The following CFTR variants were observed in gnomAD, a reference collection of about 807,000 sequenced individuals.
CFTR encodes cystic fibrosis transmembrane conductance regulator.
Under a neutral mutation model 171.6 loss-of-function variants are expected in CFTR, and 181 were observed. The ratio of observed to expected loss-of-function variants is 1.05; its 90% confidence interval spans 0.93 to 1.19. The LOEUF is 1.19. CFTR is among the 50% of genes most tolerant of loss of function. CFTR has a pLI of 0.00. For synonymous variants in CFTR, 583 were observed against 608.0 expected (o/e 0.96, Z 0.60); for missense variants, 1,968 against 1,734.7 (o/e 1.13, Z -2.39).
At position 117,592,479 on chromosome 7, in the gene CFTR, A is replaced by G; in HGVS notation, c.2312A>G (p.Asn771Ser). 1.3e-6 allele frequency: 2 copies of G among 1,554,756 alleles called. No individual in the cohort carries two copies. The highest frequency in any genetic ancestry group is 1.7e-6 in the Non-Finnish European group (2 of 1,152,984). The change falls in exon 14 of 27, where the codon AAC (asparagine) becomes AGC (serine). Residue 771 changes from asparagine to serine, a missense_variant. Coordinates refer to ENST00000003084, the MANE Select transcript of CFTR (RefSeq NM_000492.4). Reference protein sequence around the residue: ...LQARRRQSVLNLMTHSVNQGQ... With the variant: ...LQARRRQSVLSLMTHSVNQGQ... Reference sequence around the variant, plus strand: ...GCACGAAGGAGGCAGTCTGTCCTGAACCTGATGACACACTCAGTTAACCAA... The same window carrying G: ...GCACGAAGGAGGCAGTCTGTCCTGAGCCTGATGACACACTCAGTTAACCAA...
intron 11 of CFTR, among the ~76,000 whole-genome samples, chr7:117,574,220 G>A (rs530611728): frequency 3.9e-4 from 59 of 152,062 alleles, no homozygotes; most frequent in Admixed American, 3.1e-3. Flanking sequence ...AATAGAGAAA[G>A]CCAAACACTA....
chr7:117,628,492 T>C (rs1792690188), intron 22 of CFTR, among the ~76,000 whole-genome samples: 1 of 152,142 alleles, frequency 6.6e-6, no homozygotes, highest in South Asian at 2.1e-4. Flanking sequence ...TATATTTTGA[T>C]TGATATTTTT....
chr7:117,555,985 A>G (rs1420810919), intron 10 of CFTR, among the ~76,000 whole-genome samples: 1 of 152,152 alleles, frequency 6.6e-6, no homozygotes, highest in Non-Finnish European at 1.5e-5. Flanking sequence ...GGTCAATGGT[A>G]TATTATTTAA....
intron 11 of CFTR, among the ~76,000 whole-genome samples, chr7:117,580,130 A>C (rs765783577): frequency 1.4e-4 from 22 of 152,054 alleles, no homozygotes; most frequent in Non-Finnish European, 2.8e-4. Flanking sequence ...CACATGATAG[A>C]TGGTCTATGG....
chr7:117,556,471 G>A (rs115880565), intron 10 of CFTR, among the ~76,000 whole-genome samples: 3 of 150,338 alleles, frequency 2.0e-5, no homozygotes, highest in South Asian at 4.2e-4. Flanking sequence ...TTTTCCAAGC[G>A]GTCCCTTATG....
intron 11 of CFTR, among the ~76,000 whole-genome samples, chr7:117,572,439 A>G (rs531865173): frequency 6.6e-6 from 1 of 152,376 alleles, no homozygotes; most frequent in South Asian, 2.1e-4. Context: ...TTCCTAAAAA[A>G]ACAGAACCCC....
rs1312402550 is a variant in CFTR at position 117,627,504 on chromosome 7, T to C, written c.3469-18T>C. ...TCTGCCATTCTTAAAAACAAAAATG[T>C]TGTTATTTTTATTTCAGATGCGATC... On this transcript the variant is annotated intron_variant, in intron 21 of 26. Coordinates refer to ENST00000003084, the MANE Select transcript of CFTR (RefSeq NM_000492.4). 5 of 1,612,228 alleles carry C rather than the reference T, an allele frequency of 3.1e-6. No individual in the cohort carries two copies. In the East Asian group the frequency reaches 8.9e-5, roughly 29 times the overall value.
intron 11 of CFTR, among the ~76,000 whole-genome samples, chr7:117,574,176 G>A (rs1791737643): frequency 6.6e-6 from 1 of 151,992 alleles, no homozygotes; most frequent in African/African-American, 2.4e-5. Flanking sequence ...ATGTTTAACA[G>A]TGCATACAAA....
Position 117,585,201 on chromosome 7 carries a change from CATTT to C in CFTR, c.1585-2529_1585-2526del, listed in dbSNP as rs550112231. 4.3e-3 allele frequency among the ~76,000 whole-genome samples: 648 copies of C among 151,844 alleles called. 8 individuals are homozygous for C. Among genetic ancestry groups the C allele is most frequent in the Middle Eastern group, 0.014 (4 of 294 alleles). On this transcript the variant is annotated intron_variant, in intron 11 of 26. Transcript: ENST00000003084. ...TTTCTTTCTTTTTCTCCTCTGCACA[CATTT>C]ATTTATTTTCTTCTATGTACTTCTT...
intron 11 of CFTR, among the ~76,000 whole-genome samples, chr7:117,563,033 A>G (rs1157025170): frequency 6.6e-6 from 1 of 152,154 alleles, no homozygotes; most frequent in Non-Finnish European, 1.5e-5. Context: ...GAATGATGTA[A>G]TCAGCTTGGA....
intron 3 of CFTR, among the ~76,000 whole-genome samples, chr7:117,518,336 G>A (rs1798630088): frequency 1.4e-5 from 2 of 144,702 alleles, no homozygotes; most frequent in Non-Finnish European, 3.0e-5. Flanking sequence ...TATAACATAT[G>A]TTATATAATA....
chr7:117,590,455 A>G lies in CFTR; in HGVS notation c.1766+16A>G, dbSNP rs2116026057. The G allele has an allele frequency of 3.1e-6, 5 of 1,596,258 alleles. No individual in the cohort carries two copies. Among genetic ancestry groups the G allele is most frequent in the Non-Finnish European group, 4.3e-6 (5 of 1,168,124 alleles). ...TATTTGAAAGGTATGTTCTTTGAAT[A>G]CCTTACTTATAATGCTCATGCTAAA... is the stretch of plus-strand genomic sequence containing the variant. On this transcript the variant is annotated intron_variant, in intron 13 of 26. Coordinates refer to ENST00000003084, the MANE Select transcript of CFTR (RefSeq NM_000492.4).
At chr7:117,535,179 A>G in intron 5 of CFTR, 69 bp from the exon 6 acceptor site, 7 of 1,526,542 alleles carry the variant, frequency 4.6e-6, no homozygotes, top group South Asian at 2.2e-5. Flanking sequence ...TTTCTTTCAT[A>G]TATGATTGTT....
Position 117,531,088 on chromosome 7 carries a change from G to T in CFTR, c.463G>T (p.Ala155Ser), listed in dbSNP as rs397508723. 6.2e-7 allele frequency: 1 copy of T among 1,613,270 alleles called. No homozygotes were observed. The highest frequency in any genetic ancestry group is 1.3e-5 in the African/African-American group (1 of 74,922). The stretch of plus-strand genomic sequence containing the variant: ...TCACATTGGAATGCAGATGAGAATA[G>T]CTATGTTTAGTTTGATTTATAAGAA... Reference protein sequence around the residue: ...LHHIGMQMRIAMFSLIYKKTL... With the variant: ...LHHIGMQMRISMFSLIYKKTL... Residue 155 changes from alanine (A) to serine (S), a missense_variant, in exon 4 of 27, where the codon GCT (alanine) becomes TCT (serine). Transcript: ENST00000003084.
rs1451607172 is a variant in CFTR at position 117,587,750 on chromosome 7, G to T, written c.1596G>T (p.Lys532Asn). 2 of 1,607,146 alleles carry T rather than the reference G, an allele frequency of 1.2e-6. No individual in the cohort carries two copies. The highest frequency in any genetic ancestry group is 1.1e-5 in the South Asian group (1 of 90,982). The stretch of plus-strand genomic sequence containing the variant: ...ATTTTTGGTAATAGGACATCTCCAA[G>T]TTTGCAGAGAAAGACAATATAGTTC... The part of the protein sequence containing the change: ...KACQLEEDIS[K>N]FAEKDNIVLG... The change falls in exon 12 of 27, where the codon AAG becomes AAT. Residue 532 changes from lysine (K) to asparagine (N), a missense_variant. Physicochemically the swap from Lys to Asn is moderately conservative, Grantham distance 94. Transcript: ENST00000003084.
At chr7:117,566,466 A>T (rs1253577744) in intron 11 of CFTR, among the ~76,000 whole-genome samples, 1 of 152,070 alleles carries the variant, frequency 6.6e-6, no homozygotes, top group African/African-American at 2.4e-5. Context: ...TTTGAAACAC[A>T]TTGAATTATG....
At chr7:117,490,996 G>A (rs765627261) in intron 1 of CFTR, among the ~76,000 whole-genome samples, 1 of 152,008 alleles carries the variant, frequency 6.6e-6, no homozygotes, top group Non-Finnish European at 1.5e-5. Context: ...TGCGTTCTGG[G>A]TAATATGTCC....
intron 11 of CFTR, among the ~76,000 whole-genome samples, chr7:117,584,917 GT>G (rs59048119): frequency 0.028 from 4,162 of 147,012 alleles, 81 homozygotes; most frequent in Non-Finnish European, 0.043. Context: ...ATGTATTTTA[GT>G]TTTTTTTTTT....
intron 8 of CFTR, among the ~76,000 whole-genome samples, chr7:117,541,357 G>T (rs1272717745): frequency 6.6e-6 from 1 of 152,134 alleles, no homozygotes; most frequent in Non-Finnish European, 1.5e-5. Context: ...GAAAATGAGA[G>T]AAACCAAAAG....
Sources: allele counts gnomAD v4.1 joint callset (sites outside exome capture counted in the v4.1 genomes callset), GRCh38; gene constraint gnomAD v4.1.1; transcripts MANE v1.5; gene names NCBI Gene and HGNC (gene_info 2026-07-23, HGNC 2026-07-21).